FAM168A: variants seen among roughly 807,000 people sequenced by gnomAD.
FAM168A encodes protein FAM168A.
Under a neutral mutation model 28.5 loss-of-function variants are expected in FAM168A, and 3 were observed. That is an observed-to-expected ratio of 0.11 (90% CI 0.05 to 0.27). FAM168A has a LOEUF of 0.27. FAM168A is among the 10% of genes least tolerant of loss of function. The probability of loss-of-function intolerance (pLI) is 1.00; values close to 1 mark genes in which losing one functional copy is unlikely to be tolerated. For missense variants in FAM168A, 222 were observed against 311.5 expected, an observed-to-expected ratio of 0.71 and a Z score of 2.16; for synonymous variants, 122 against 124.2, an observed-to-expected ratio of 0.98 and a Z score of 0.12.
At chr11:73,438,132 C>T (rs1295871127) in intron 2 of FAM168A, among the ~76,000 whole-genome samples, 2 of 152,158 alleles carry the variant, frequency 1.3e-5, no homozygotes, top group Non-Finnish European at 2.9e-5. Context: ...TCATCATCAT[C>T]ATCACCATCA....
chr11:73,533,392 C>T (rs1943538470), intron 1 of FAM168A, among the ~76,000 whole-genome samples: 1 of 152,144 alleles, frequency 6.6e-6, no homozygotes, highest in Non-Finnish European at 1.5e-5. Context: ...AAATAACTGT[C>T]TTTAATTCTT....
chr11:73,550,908 C>T (rs1050465880), intron 1 of FAM168A, among the ~76,000 whole-genome samples: 1 of 152,030 alleles, frequency 6.6e-6, no homozygotes, highest in Non-Finnish European at 1.5e-5. Context: ...GAGATCAAGA[C>T]CATCCTGGCT....
intron 1 of FAM168A, among the ~76,000 whole-genome samples, chr11:73,575,318 T>C (rs1303239888): frequency 6.6e-6 from 1 of 152,234 alleles, no homozygotes; most frequent in Non-Finnish European, 1.5e-5. Context: ...AACAATCAGA[T>C]ATATACATCT....
chr11:73,498,176 A>C (rs1445773220), intron 1 of FAM168A, among the ~76,000 whole-genome samples: 1 of 152,186 alleles, frequency 6.6e-6, no homozygotes, highest in Non-Finnish European at 1.5e-5. Context: ...GAAAAAAAAC[A>C]TAATAAGTAT....
At chr11:73,593,525 T>C (rs569536297) in intron 1 of FAM168A, among the ~76,000 whole-genome samples, 2 of 152,338 alleles carry the variant, frequency 1.3e-5, no homozygotes, top group East Asian at 1.9e-4. Flanking sequence ...TTTAGGACTT[T>C]GGCATTTAAA....
intron 1 of FAM168A, among the ~76,000 whole-genome samples, chr11:73,579,680 T>G (rs1365970448): frequency 1.3e-5 from 2 of 152,234 alleles, no homozygotes; most frequent in Non-Finnish European, 2.9e-5. Flanking sequence ...AAGCTAGTGG[T>G]AAGCAATTTA....
At chr11:73,482,271 T>C (rs771903836) in intron 1 of FAM168A, among the ~76,000 whole-genome samples, 19 of 145,996 alleles carry the variant, frequency 1.3e-4, no homozygotes, top group Non-Finnish European at 2.7e-4. Context: ...CAGAAAGTCA[T>C]GGTTGTGGAC....
At chr11:73,465,073 G>A (rs922610353) in intron 2 of FAM168A, among the ~76,000 whole-genome samples, 6 of 151,506 alleles carry the variant, frequency 4.0e-5, no homozygotes, top group Non-Finnish European at 7.4e-5. Context: ...GGCACGACAC[G>A]AGAAGCTTTA....
chr11:73,481,818 C>T (rs1867970942), intron 1 of FAM168A, among the ~76,000 whole-genome samples: 1 of 152,128 alleles, frequency 6.6e-6, no homozygotes, highest in Non-Finnish European at 1.5e-5. Flanking sequence ...AAACTTAATC[C>T]CAAATGCAAC....
chr11:73,508,544 C>T (rs893542839), intron 1 of FAM168A, among the ~76,000 whole-genome samples: 1 of 151,958 alleles, frequency 6.6e-6, no homozygotes, highest in African/African-American at 2.4e-5. Flanking sequence ...TAGGTGCGTG[C>T]GTGCATGCGT....
chr11:73,403,020 G>C lies in FAM168A; in HGVS notation c.*3743C>G, dbSNP rs1293509503. On this transcript the variant is annotated 3_prime_UTR_variant, in exon 8 of 8. Transcript: ENST00000356467. ...TTGAAGAATCACTTCCAAGCTGTGT[G>C]ACCTTTTAGCAAGTCTCAAGCCTCC... is the stretch of plus-strand genomic sequence containing the variant. 1 of 152,204 alleles carries C rather than the reference G, an allele frequency of 6.6e-6. No individual in the cohort carries two copies. The highest frequency in any genetic ancestry group is 1.5e-5 in the Non-Finnish European group (1 of 68,040). The allele number at this position is 152,204 out of a possible 1,614,324, so 9.4% of individuals were successfully genotyped here.
intron 1 of FAM168A, among the ~76,000 whole-genome samples, chr11:73,591,606 C>T (rs907661541): frequency 1.3e-5 from 2 of 152,188 alleles, no homozygotes; most frequent in African/African-American, 4.8e-5. Flanking sequence ...AATTCCTGGG[C>T]TCAAGTGATC....
intron 1 of FAM168A, among the ~76,000 whole-genome samples, chr11:73,587,907 G>A (rs1021205113): frequency 1.3e-5 from 2 of 151,918 alleles, no homozygotes; most frequent in African/African-American, 4.8e-5. Flanking sequence ...GTGCCACCAC[G>A]CCCAGCAAAT....
intron 1 of FAM168A, among the ~76,000 whole-genome samples, chr11:73,496,899 A>ACACACACACACACACG (rs1555027753): frequency 6.7e-6 from 1 of 149,744 alleles, no homozygotes; most frequent in African/African-American, 2.5e-5. Context: ...ACACACACAC[A>ACACACACACACACACG]CACACACGCA....
At chr11:73,444,245 T>C (rs1285840583) in intron 2 of FAM168A, among the ~76,000 whole-genome samples, 1 of 152,234 alleles carries the variant, frequency 6.6e-6, no homozygotes, top group African/African-American at 2.4e-5. Flanking sequence ...CAGTAAATAA[T>C]AGTCTCCCAC....
At chr11:73,592,166 C>T (rs1013083592) in intron 1 of FAM168A, among the ~76,000 whole-genome samples, 1 of 152,170 alleles carries the variant, frequency 6.6e-6, no homozygotes, top group Non-Finnish European at 1.5e-5. Flanking sequence ...TTCAAAATGT[C>T]TATATCTAAG....
At chr11:73,530,517 G>T (rs1303582088) in intron 1 of FAM168A, among the ~76,000 whole-genome samples, 3 of 152,130 alleles carry the variant, frequency 2.0e-5, no homozygotes, top group Non-Finnish European at 4.4e-5. Flanking sequence ...CTTCACCACA[G>T]CAACAAGCAG....
In FAM168A at chr11:73,544,202, C is replaced by G. The variant is rs1320261035; in HGVS notation, c.-19+53721G>C. ...AAAGATGTTCAGCATCATTAGCCAC[C>G]AGGGAAACGCACATCAAACCAAAAT... is the stretch of plus-strand genomic sequence containing the variant. On this transcript the variant is annotated intron_variant, in intron 1 of 7. Coordinates refer to ENST00000356467, the MANE Select transcript of FAM168A (RefSeq NM_015159.3). 2.0e-5 allele frequency among the ~76,000 whole-genome samples: 3 copies of G among 152,080 alleles called. 1 individual carries two copies. The highest frequency in any genetic ancestry group is 1.3e-4 in the Admixed American group (2 of 15,250).
intron 1 of FAM168A, among the ~76,000 whole-genome samples, chr11:73,593,519 G>C (rs183712402): frequency 8.3e-4 from 126 of 152,112 alleles, no homozygotes; most frequent in African/African-American, 2.9e-3. Flanking sequence ...CATCTGTTTA[G>C]GACTTTGGCA....
Sources: gnomAD v4.1 joint callset for allele counts (sites outside exome capture counted in the v4.1 genomes callset) on GRCh38, gnomAD v4.1.1 for gene constraint, MANE v1.5 for transcripts, NCBI Gene and HGNC (gene_info 2026-07-23, HGNC 2026-07-21) for gene names.